Variants in TJP1 observed in about 807,000 individuals in gnomAD.
TJP1 encodes tight junction protein 1.
In TJP1, 43 loss-of-function variants were observed where a neutral mutation model predicts 194.2. The observed-to-expected ratio is 0.22, with a 90% CI of 0.17 to 0.29. The LOEUF is 0.29. TJP1 is among the 10% of genes least tolerant of loss of function. TJP1 has a pLI of 1.00. For synonymous variants in TJP1, 801 were observed against 779.0 expected, an observed-to-expected ratio of 1.03 and a Z score of -0.47; for missense variants, 1,971 against 2,185.7, an observed-to-expected ratio of 0.90 and a Z score of 1.96.
chr15:29,903,537 C>T (rs1001788573), intron 2 of TJP1, among the ~76,000 whole-genome samples: 13 of 152,110 alleles, frequency 8.5e-5, no homozygotes, highest in South Asian at 6.3e-4. Flanking sequence ...CTCTGCCTCC[C>T]GGGTTCACGC....
At chr15:29,840,103 A>G (rs1177427146) in intron 2 of TJP1, among the ~76,000 whole-genome samples, 1 of 152,122 alleles carries the variant, frequency 6.6e-6, no homozygotes, top group East Asian at 1.9e-4. Flanking sequence ...TTTTTAAACT[A>G]TTGAGTTTTG....
At chr15:29,734,786 G>A (rs1158228964) in intron 11 of TJP1, among the ~76,000 whole-genome samples, 1 of 151,936 alleles carries the variant, frequency 6.6e-6, no homozygotes, top group African/African-American at 2.4e-5. Context: ...ACACCCGGCC[G>A]AAAATATCAC....
Position 29,953,140 on chromosome 15 carries a change from A to ATTTTTTTTTTTTTTTTTTTTTTTTTTTT in TJP1, c.306+3091_306+3092insAAAAAAAAAAAAAAAAAAAAAAAAAAAA, listed in dbSNP as rs71416442. ...TTCCTTCTTTCATAAAAGAAGACAG[A>ATTTTTTTTTTTTTTTTTTTTTTTTTTTT]TTTTTTTTTTTTTTTTTTTGCAACG... On this transcript the variant is annotated intron_variant, in intron 2 of 28. Transcript: ENST00000356107. 4.5e-5 allele frequency among the ~76,000 whole-genome samples: 5 copies of ATTTTTTTTTTTTTTTTTTTTTTTTTTTT among 110,978 alleles called. 1 individual carries two copies. The highest frequency in any genetic ancestry group is 3.6e-5 in the Non-Finnish European group (2 of 55,928). 72.8% of individuals were successfully genotyped at this position (110,978 alleles called of 152,430 possible).
intron 1 of TJP1, among the ~76,000 whole-genome samples, chr15:29,805,501 T>C (rs145814538): frequency 7.2e-5 from 11 of 152,328 alleles, no homozygotes; most frequent in East Asian, 3.9e-4. Context: ...ACTAACCTTA[T>C]GGCTGTAATT....
intron 8 of TJP1, among the ~76,000 whole-genome samples, chr15:29,754,458 G>A (rs1298245498): frequency 3.9e-5 from 6 of 151,992 alleles, no homozygotes; most frequent in Non-Finnish European, 5.9e-5. Flanking sequence ...TACAAAACAC[G>A]ATGACACATG....
Position 29,720,617 on chromosome 15 carries a change from G to T in TJP1, c.2504C>A (p.Thr835Lys). ...APGSEYSMYS[T>K]DSRHTSDYED... ...ATAGTCAGAAGTGTGTCTACTGTCCGTGCTATACATTGAGTATTCACTACC... is the reference window on the plus strand; with the variant it reads ...ATAGTCAGAAGTGTGTCTACTGTCCTTGCTATACATTGAGTATTCACTACC... The change falls in exon 19 of 28, where the codon ACG (threonine) becomes AAG (lysine). Residue 835 changes from threonine to lysine, a missense_variant. By Grantham distance (78) the Thr-to-Lys change is moderately conservative. Transcript: ENST00000614355. 6.2e-7 allele frequency: 1 copy of T among 1,614,048 alleles called. No individual in the cohort carries two copies. The highest frequency in any genetic ancestry group is 8.5e-7 in the Non-Finnish European group (1 of 1,180,010).
intron 2 of TJP1, among the ~76,000 whole-genome samples, chr15:29,895,446 C>G (rs1366272190): frequency 1.3e-5 from 2 of 152,192 alleles, no homozygotes; most frequent in Non-Finnish European, 2.9e-5. Flanking sequence ...TAGTTAAGTT[C>G]TTTGCCACTT....
At chr15:29,809,574 G>A (rs990151566) in intron 1 of TJP1, among the ~76,000 whole-genome samples, 15 of 152,122 alleles carry the variant, frequency 9.9e-5, no homozygotes, top group African/African-American at 3.4e-4. Flanking sequence ...GGCTGGGCGC[G>A]GTGGCTCACA....
chr15:29,923,853 TATG>T (rs1272825307), intron 2 of TJP1, among the ~76,000 whole-genome samples: 1 of 152,192 alleles, frequency 6.6e-6, no homozygotes, highest in African/African-American at 2.4e-5. Flanking sequence ...AGCTCTCCCA[TATG>T]TGGAATGTTT....
chr15:29,912,145 GA>G (rs778420843), intron 2 of TJP1, among the ~76,000 whole-genome samples: 6 of 152,176 alleles, frequency 3.9e-5, no homozygotes, highest in Non-Finnish European at 8.8e-5. Context: ...ACATGGTGGA[GA>G]GAGAAAAGAA....
chr15:29,717,596 T>G (rs1435410202), intron 22 of TJP1, among the ~76,000 whole-genome samples: 2 of 152,226 alleles, frequency 1.3e-5, no homozygotes, highest in Non-Finnish European at 2.9e-5. Context: ...CTCATTATGC[T>G]GATGTGCTTA....
At chr15:29,787,490 A>G (rs954985701) in intron 2 of TJP1, among the ~76,000 whole-genome samples, 1 of 152,164 alleles carries the variant, frequency 6.6e-6, no homozygotes, top group African/African-American at 2.4e-5. Context: ...CCCTAAAAAG[A>G]AACTCCGCAT....
intron 8 of TJP1, among the ~76,000 whole-genome samples, chr15:29,743,787 ATAC>A (rs1419366143): frequency 6.6e-6 from 1 of 152,244 alleles, no homozygotes; most frequent in Non-Finnish European, 1.5e-5. Flanking sequence ...AAATGCAAAA[ATAC>A]AAAGAAGCTT....
At chr15:29,792,601 G>A (rs1200889275) in intron 2 of TJP1, among the ~76,000 whole-genome samples, 1 of 152,098 alleles carries the variant, frequency 6.6e-6, no homozygotes, top group Non-Finnish European at 1.5e-5. Flanking sequence ...AAAAATTTTA[G>A]GATTGTTTTT....
At chr15:29,950,171 A>AGCACCAC (rs2055673119) in intron 2 of TJP1, among the ~76,000 whole-genome samples, 1 of 92,854 alleles carries the variant, frequency 1.1e-5, no homozygotes, top group Non-Finnish European at 2.2e-5. Context: ...CACCACAACC[A>AGCACCAC]CTACCTCCAC....
chr15:29,845,289 T>C (rs2051366482), intron 2 of TJP1, among the ~76,000 whole-genome samples: 1 of 152,088 alleles, frequency 6.6e-6, no homozygotes, highest in East Asian at 1.9e-4. Context: ...TTCCCTAAAC[T>C]CTAAACAGAT....
In TJP1 at chr15:29,701,707, T is replaced by C. The variant is rs747046336; in HGVS notation, c.5213-18A>G. ...AGGATCACCTATGAGAGAAAAGAAG[T>C]TGATGTCATTTACAGTTCAGTAAAC... On this transcript the variant is annotated intron_variant, in intron 27 of 27. Transcript: ENST00000614355. 1.3e-6 allele frequency: 2 copies of C among 1,589,996 alleles called. No individual in the cohort carries two copies. The highest frequency in any genetic ancestry group is 1.7e-5 in the Admixed American group (1 of 59,946).
intron 2 of TJP1, among the ~76,000 whole-genome samples, chr15:29,949,449 TCACCACCACTTCCAC>T (rs2055474721): frequency 5.5e-4 from 20 of 36,574 alleles, no homozygotes; most frequent in African/African-American, 1.3e-3. Context: ...ACCTCCACCT[TCACCACCACTTCCAC>T]CACCACCACC....
intron 10 of TJP1, among the ~76,000 whole-genome samples, chr15:29,738,796 G>C (rs2044200181): frequency 1.4e-5 from 2 of 143,686 alleles, no homozygotes; most frequent in Non-Finnish European, 3.0e-5. Context: ...GGAGACTGAG[G>C]CAGGAGGACT....
Sources: allele counts gnomAD v4.1 joint callset (sites outside exome capture counted in the v4.1 genomes callset), GRCh38; gene constraint gnomAD v4.1.1; transcripts MANE v1.5; gene names NCBI Gene and HGNC (gene_info 2026-07-23, HGNC 2026-07-21).